The following RFX8 variants were observed in gnomAD, a reference collection of about 807,000 sequenced individuals.
RFX8 encodes regulatory factor X8, also known as DNA-binding protein RFX8.
In RFX8, 46 loss-of-function variants were observed where a neutral mutation model predicts 54.6. The observed-to-expected ratio is 0.84, with a 90% CI of 0.67 to 1.08. RFX8 has a LOEUF of 1.08. Ranked by LOEUF, RFX8 falls within the 50% of genes least tolerant of loss-of-function variation. The probability of loss-of-function intolerance (pLI) is 0.00; values close to 1 mark genes in which losing one functional copy is unlikely to be tolerated. For missense variants in RFX8, 536 were observed against 562.3 expected (o/e 0.95, Z 0.47); for synonymous variants, 192 against 209.5 (o/e 0.92, Z 0.72).
chr2:101,452,353 C>G, intron 2 of RFX8: 1 of 1,240,832 alleles, frequency 8.1e-7, no homozygotes. Flanking sequence ...TTGTTTTTAA[C>G]ATTTGAAATA....
intron 2 of RFX8, among the ~76,000 whole-genome samples, chr2:101,453,966 G>A (rs546179390): frequency 1.3e-5 from 2 of 152,158 alleles, no homozygotes; most frequent in East Asian, 1.9e-4. Flanking sequence ...TGTTACGTAC[G>A]TATACATGTG....
At chr2:101,468,118 G>C (rs1184338898) in intron 1 of RFX8, among the ~76,000 whole-genome samples, 1 of 151,996 alleles carries the variant, frequency 6.6e-6, no homozygotes, top group Non-Finnish European at 1.5e-5. Context: ...CGGCTTCCCA[G>C]AAAAAAAGAC....
At chr2:101,428,233 C>T (rs543028761) in intron 2 of RFX8, among the ~76,000 whole-genome samples, 4 of 152,288 alleles carry the variant, frequency 2.6e-5, no homozygotes, top group South Asian at 4.1e-4. Flanking sequence ...GGCAACAAAA[C>T]GAGATTCCAT....
At chr2:101,421,162 T>C (rs879539188) in intron 4 of RFX8, 4 of 717,466 alleles carry the variant, frequency 5.6e-6, no homozygotes, top group African/African-American at 1.9e-5. Flanking sequence ...GCTTAGAATA[T>C]ACTAAAGCAT....
chr2:101,423,409 G>A lies in RFX8; in HGVS notation c.73-937C>T, dbSNP rs1434722599. Among the ~76,000 whole-genome samples the A allele has an allele frequency of 3.3e-5, 5 of 152,042 alleles. No homozygotes were observed. The East Asian group carries it at 9.6e-4, about 29-fold the overall frequency. On this transcript the variant is annotated intron_variant, in intron 2 of 11. Transcript: ENST00000428343. ...ATGGGGAGGCATGAGGGCTCCTCCT[G>A]GTCTGAATAAAGGGTATCAATTTTA...
intron 2 of RFX8, among the ~76,000 whole-genome samples, chr2:101,428,746 A>T (rs921614678): frequency 1.3e-5 from 2 of 152,240 alleles, no homozygotes; most frequent in Non-Finnish European, 2.9e-5. Flanking sequence ...GCAGCCAAAC[A>T]GTACGTTCCT....
chr2:101,438,022 G>T (rs1190995252), intron 2 of RFX8, among the ~76,000 whole-genome samples: 1 of 116,420 alleles, frequency 8.6e-6, no homozygotes, highest in Non-Finnish European at 1.9e-5. Context: ...CAAGTTGTGT[G>T]TCAATAGTTT....
intron 1 of RFX8, among the ~76,000 whole-genome samples, chr2:101,472,021 A>C (rs1480253665): frequency 6.6e-6 from 1 of 152,092 alleles, no homozygotes; most frequent in Non-Finnish European, 1.5e-5. Flanking sequence ...CAGCATTGGT[A>C]ACACCTTCCA....
intron 2 of RFX8, among the ~76,000 whole-genome samples, chr2:101,458,374 T>C (rs1447113731): frequency 6.6e-6 from 1 of 152,232 alleles, no homozygotes; most frequent in East Asian, 1.9e-4. Context: ...AAGTTTATGC[T>C]TCCTTCAGGA....
At chr2:101,449,732 G>A (rs182626797) in intron 2 of RFX8, among the ~76,000 whole-genome samples, 7 of 152,224 alleles carry the variant, frequency 4.6e-5, no homozygotes, top group African/African-American at 1.7e-4. Flanking sequence ...GGATTCAGGA[G>A]TCATCCACCT....
intron 2 of RFX8, among the ~76,000 whole-genome samples, chr2:101,426,509 A>G (rs918541100): frequency 3.9e-5 from 6 of 152,188 alleles, no homozygotes; most frequent in Non-Finnish European, 7.3e-5. Flanking sequence ...AAAGAGCAAG[A>G]CCTCGTCTCT....
At chr2:101,429,294 T>C (rs1430006103) in intron 2 of RFX8, among the ~76,000 whole-genome samples, 1 of 152,184 alleles carries the variant, frequency 6.6e-6, no homozygotes, top group Non-Finnish European at 1.5e-5. Flanking sequence ...TTCGCTCCTG[T>C]GGGAAAAGAA....
chr2:101,422,327 G>A lies in RFX8; in HGVS notation c.183+35C>T, dbSNP rs372776085. 6.6e-4 allele frequency: 687 copies of A among 1,035,416 alleles called. 3 individuals are homozygous for A. The highest frequency in any genetic ancestry group is 3.0e-3 in the Middle Eastern group (15 of 5,020). The allele number at this position is 1,035,416 out of a possible 1,614,324, so 64.1% of individuals were successfully genotyped here. ...TTTACTGCCCTAAGCATCATACAGC[G>A]TGAAAGGCTAATCTCCCCATGAGTG... On this transcript the variant is annotated intron_variant, in intron 3 of 11. Coordinates refer to ENST00000428343, the MANE Select transcript of RFX8 (RefSeq NM_001145664.2).
intron 2 of RFX8, among the ~76,000 whole-genome samples, chr2:101,446,153 T>C (rs1338964682): frequency 6.6e-6 from 1 of 152,082 alleles, no homozygotes; most frequent in Admixed American, 6.6e-5. Context: ...TTAAAGTTGA[T>C]CTATTACTTT....
At chr2:101,397,907 G>A (rs1685216414) in intron 11 of RFX8, among the ~76,000 whole-genome samples, 183 bp from the exon 12 acceptor site, 1 of 151,976 alleles carries the variant, frequency 6.6e-6, no homozygotes, top group African/African-American at 2.4e-5. Context: ...TACCCAGGCT[G>A]GAGTGCCATG....
chr2:101,410,559 G>T, intron 9 of RFX8, 60 bp downstream of exon 9: 1 of 831,240 alleles, frequency 1.2e-6, no homozygotes, highest in Non-Finnish European at 1.9e-6. Flanking sequence ...TAGGCAATGG[G>T]CACTCATTTA....
chr2:101,458,201 T>A (rs895924812), intron 2 of RFX8, among the ~76,000 whole-genome samples: 6 of 152,290 alleles, frequency 3.9e-5, no homozygotes, highest in Admixed American at 3.9e-4. Context: ...GGGCATTTAG[T>A]CCATTTACAT....
At position 101,466,801 on chromosome 2, in the gene RFX8, T is replaced by C. The variant is rs1018884190; in HGVS notation, c.48A>G (p.Gln16=). 1.9e-6 allele frequency: 3 copies of C among 1,551,636 alleles called. No individual in the cohort carries two copies. Among genetic ancestry groups the C allele is most frequent in the Non-Finnish European group, 2.6e-6 (3 of 1,146,894 alleles). The change falls in exon 2 of 12, where the codon CAA becomes CAG. Residue 16 remains glutamine (Q), a synonymous_variant. Transcript: ENST00000428343. The stretch of plus-strand genomic sequence containing the variant: ...CCTTCCCAAAGGTGGCCGGGTTGAC[T>C]TGGTTCTCAGTGTTTTGCCCACAGG... ...VETCGQNTEN[Q]VNPATFGKCE...
At chr2:101,412,761 C>T (rs1686214094) in intron 8 of RFX8, among the ~76,000 whole-genome samples, 154 bp downstream of exon 8, 2 of 152,174 alleles carry the variant, frequency 1.3e-5, no homozygotes, top group South Asian at 4.1e-4. Flanking sequence ...TGTTCATCAC[C>T]CCACTACAGG....
Sources: gnomAD v4.1 joint callset for allele counts (sites outside exome capture counted in the v4.1 genomes callset) on GRCh38, gnomAD v4.1.1 for gene constraint, MANE v1.5 for transcripts, NCBI Gene and HGNC (gene_info 2026-07-23, HGNC 2026-07-21) for gene names.